Variants in FAM81A observed in about 807,000 individuals in gnomAD.
FAM81A encodes the protein protein FAM81A.
Under a neutral mutation model 46.7 loss-of-function variants are expected in FAM81A, and 19 were observed. The ratio of observed to expected loss-of-function variants is 0.41; its 90% CI spans 0.28 to 0.60. The LOEUF (loss-of-function observed/expected upper bound fraction) is 0.60. FAM81A is among the 20% of genes least tolerant of loss of function. The pLI, the probability that FAM81A is intolerant of heterozygous loss-of-function variation, is 0.34. For missense variants in FAM81A, 377 were observed against 453.5 expected (o/e 0.83, Z 1.53); for synonymous variants, 183 against 152.9 (o/e 1.20, Z -1.45).
At chr15:59,455,489 T>C (rs2081472631) in intron 1 of FAM81A, among the ~76,000 whole-genome samples, 1 of 152,170 alleles carries the variant, frequency 6.6e-6, no homozygotes, top group Admixed American at 6.5e-5. Flanking sequence ...ATGCTTGAGA[T>C]GTTATTTAAT....
At chr15:59,464,390 C>T (rs2081588225) in intron 3 of FAM81A, among the ~76,000 whole-genome samples, 1 of 152,186 alleles carries the variant, frequency 6.6e-6, no homozygotes, top group South Asian at 2.1e-4. Context: ...TGAGGAACCT[C>T]CATACTTTTC....
At chr15:59,510,197 C>A (rs1380058168) in intron 6 of FAM81A, among the ~76,000 whole-genome samples, 1 of 151,986 alleles carries the variant, frequency 6.6e-6, no homozygotes, top group Non-Finnish European at 1.5e-5. Context: ...GAAACCCTGT[C>A]TCTACTAAAA....
Position 59,516,692 on chromosome 15 carries a change from C to G in FAM81A, c.834C>G (p.Ala278=). Residue 278 remains alanine (A), a synonymous_variant, in exon 8 of 9, where the codon GCC becomes GCG. Transcript: ENST00000288228. The stretch of plus-strand genomic sequence containing the variant: ...AGAAGAAGCTCAGCCAGATGTCAGC[C>G]AGGCTTGACAAAATAGAAGAGGGTC... The part of the protein sequence containing the change: ...DMEKKLSQMS[A]RLDKIEEGQK... 2 of 1,613,496 alleles carry G rather than the reference C, an allele frequency of 1.2e-6. No individual in the cohort carries two copies. Among genetic ancestry groups the G allele is most frequent in the Non-Finnish European group, 1.7e-6 (2 of 1,179,700 alleles).
At position 59,522,596 on chromosome 15, in the gene FAM81A, T is replaced by C; in HGVS notation, c.*1218T>C. ...GCCATATTTGATCAGTCATTGAAAA[T>C]TGGCCCCAGTGCTGTTTGTTCATCT... On this transcript the variant is annotated 3_prime_UTR_variant, in exon 9 of 9. Transcript: ENST00000288228. 6.6e-6 allele frequency: 1 copy of C among 152,344 alleles called. No homozygotes were observed. The highest frequency in any genetic ancestry group is 1.9e-4 in the East Asian group (1 of 5,196). The allele number at this position is 152,344 out of a possible 1,614,324, so 9.4% of individuals were successfully genotyped here.
At chr15:59,406,721 T>C (rs77796132) in intron 2 of FAM81A, among the ~76,000 whole-genome samples, 2,088 of 152,186 alleles carry the variant, frequency 0.014, 52 homozygotes, top group African/African-American at 0.048. Flanking sequence ...ATTTGCTGTT[T>C]ATAGAGAAAT....
intron 2 of FAM81A, among the ~76,000 whole-genome samples, chr15:59,430,461 T>A (rs2141563709): frequency 6.6e-6 from 1 of 152,202 alleles, no homozygotes; most frequent in Middle Eastern, 3.4e-3. Context: ...AGATGGGGTT[T>A]CACCGTGTTA....
At position 59,485,354 on chromosome 15, in the gene FAM81A, A is replaced by G. The variant is rs368264508; in HGVS notation, c.295-6917A>G. Among the ~76,000 whole-genome samples the G allele has an allele frequency of 3.1e-3, 470 of 152,290 alleles. 2 individuals carry two copies. Among genetic ancestry groups the G allele is most frequent in the African/African-American group, 0.011 (444 of 41,564 alleles). Reference sequence around the variant, plus strand: ...TCAGGTCAGACCCATCAGAGTCCCAATGGTGGTGGGTACAGAGGTGCTTGT... The same window carrying G: ...TCAGGTCAGACCCATCAGAGTCCCAGTGGTGGTGGGTACAGAGGTGCTTGT... On this transcript the variant is annotated intron_variant, in intron 3 of 8. Transcript: ENST00000288228.
chr15:59,456,559 A>C (rs1332728572), intron 1 of FAM81A, among the ~76,000 whole-genome samples: 1 of 152,030 alleles, frequency 6.6e-6, no homozygotes, highest in African/African-American at 2.4e-5. Flanking sequence ...TCACAGGGTT[A>C]GCCACTTAAC....
Position 59,476,511 on chromosome 15 carries a change from G to T in FAM81A, c.295-15760G>T, listed in dbSNP as rs2081770415. Among the ~76,000 whole-genome samples, 3 of 152,236 alleles carry T rather than the reference G, an allele frequency of 2.0e-5. 1 individual carries two copies. In the South Asian group the frequency reaches 6.2e-4, roughly 32 times the overall value. On this transcript the variant is annotated intron_variant, in intron 3 of 8. Coordinates refer to ENST00000288228, the MANE Select transcript of FAM81A (RefSeq NM_152450.3). Reference sequence around the variant, plus strand: ...ATAAAAATTGGCACCAGGCACGGTGGCTCACGCCTGTAATCCCATCACTTT... The same window carrying T: ...ATAAAAATTGGCACCAGGCACGGTGTCTCACGCCTGTAATCCCATCACTTT...
intron 3 of FAM81A, among the ~76,000 whole-genome samples, chr15:59,466,403 T>G (rs771441755): frequency 1.3e-5 from 2 of 151,666 alleles, no homozygotes; most frequent in Non-Finnish European, 2.9e-5. Context: ...CCATTCTAAC[T>G]GGCGTGAGAT....
intron 2 of FAM81A, among the ~76,000 whole-genome samples, chr15:59,402,773 C>T (rs1048003155): frequency 2.0e-5 from 3 of 152,006 alleles, no homozygotes; most frequent in Admixed American, 1.3e-4. Context: ...AGGCTGGTCT[C>T]GAACTCCTGG....
At chr15:59,496,647 A>G (rs1370009703) in intron 4 of FAM81A, among the ~76,000 whole-genome samples, 1 of 152,022 alleles carries the variant, frequency 6.6e-6, no homozygotes, top group Non-Finnish European at 1.5e-5. Context: ...AGGTGTATAG[A>G]TTTATTTGTA....
intron 4 of FAM81A, among the ~76,000 whole-genome samples, chr15:59,496,137 A>G (rs2082030753): frequency 6.6e-6 from 1 of 152,172 alleles, no homozygotes; most frequent in African/African-American, 2.4e-5. Context: ...TTTAAGTTTT[A>G]TAGTTTCAGC....
intron 8 of FAM81A, among the ~76,000 whole-genome samples, chr15:59,518,627 C>A (rs1354403258): frequency 6.6e-6 from 1 of 152,076 alleles, no homozygotes; most frequent in African/African-American, 2.4e-5. Context: ...CCTGGTTGCC[C>A]TTTTATTATT....
intron 1 of FAM81A, among the ~76,000 whole-genome samples, chr15:59,452,267 G>C (rs894302823): frequency 1.3e-5 from 2 of 152,156 alleles, no homozygotes; most frequent in African/African-American, 2.4e-5. Context: ...GATTATAAAC[G>C]CTATTTCAGT....
chr15:59,488,588 C>T (rs993305777), intron 3 of FAM81A, among the ~76,000 whole-genome samples: 1 of 152,194 alleles, frequency 6.6e-6, no homozygotes, highest in Non-Finnish European at 1.5e-5. Flanking sequence ...GATACAAAAT[C>T]AACATACAGA....
chr15:59,506,353 T>C (rs1056888743), intron 4 of FAM81A, among the ~76,000 whole-genome samples: 6 of 152,090 alleles, frequency 3.9e-5, no homozygotes, highest in Non-Finnish European at 1.5e-5. Context: ...CAGGAATAGA[T>C]GCCATGGTGG....
At chr15:59,466,044 T>C (rs2081609085) in intron 3 of FAM81A, among the ~76,000 whole-genome samples, 1 of 152,254 alleles carries the variant, frequency 6.6e-6, no homozygotes, top group African/African-American at 2.4e-5. Flanking sequence ...GAACTCATCC[T>C]TTTTTATAGC....
At chr15:59,496,810 G>T (rs1212532387) in intron 4 of FAM81A, among the ~76,000 whole-genome samples, 1 of 151,858 alleles carries the variant, frequency 6.6e-6, no homozygotes, top group Non-Finnish European at 1.5e-5. Context: ...AGCTGTTTTA[G>T]GTCCATTGTA....
Sources: gnomAD v4.1 joint callset for allele counts (sites outside exome capture counted in the v4.1 genomes callset) on GRCh38, gnomAD v4.1.1 for gene constraint, MANE v1.5 for transcripts, NCBI Gene and HGNC (gene_info 2026-07-23, HGNC 2026-07-21) for gene names.